GAS7: variants seen among roughly 807,000 people sequenced by gnomAD.
The protein encoded by GAS7 is growth arrest specific 7, also known as growth arrest-specific protein 7.
GAS7 carries 28 observed loss-of-function variants against 71.1 expected under a neutral mutation model. The ratio of observed to expected loss-of-function variants is 0.39; its 90% CI spans 0.29 to 0.54. GAS7 has a LOEUF of 0.54. Ranked by LOEUF, GAS7 falls within the 20% of genes least tolerant of loss-of-function variation. The pLI is 0.62. For missense variants in GAS7, 436 were observed against 627.8 expected, an observed-to-expected ratio of 0.69 and a Z score of 3.27; for synonymous variants, 258 against 245.8, an observed-to-expected ratio of 1.05 and a Z score of -0.46.
At chr17:10,057,075 C>T (rs947105426) in intron 1 of GAS7, among the ~76,000 whole-genome samples, 6 of 152,170 alleles carry the variant, frequency 3.9e-5, no homozygotes, top group Non-Finnish European at 7.3e-5. Context: ...TGATTGCAGA[C>T]GGAGTCTCGT....
At chr17:10,051,445 G>A (rs2073061402) in intron 1 of GAS7, among the ~76,000 whole-genome samples, 1 of 152,318 alleles carries the variant, frequency 6.6e-6, no homozygotes, top group South Asian at 2.1e-4. Context: ...CTCATCAATG[G>A]CTTTGCGGGC....
intron 1 of GAS7, among the ~76,000 whole-genome samples, chr17:10,031,437 G>A (rs2072614902): frequency 6.6e-6 from 1 of 152,212 alleles, no homozygotes; most frequent in Admixed American, 6.5e-5. Context: ...GGGGGACAAG[G>A]ATTGATGAAA....
At chr17:10,145,048 G>A (rs768671900) in intron 1 of GAS7, among the ~76,000 whole-genome samples, 3 of 152,180 alleles carry the variant, frequency 2.0e-5, no homozygotes, top group East Asian at 1.9e-4. Context: ...GGTTCCAAAC[G>A]GTGGCTGGGC....
rs1392845338 is a variant in GAS7, at chr17:10,133,122, A to ATATATATT, written c.183+65085_183+65086insAATATATA. 4.5e-4 allele frequency among the ~76,000 whole-genome samples: 54 copies of ATATATATT among 118,922 alleles called. 1 individual carries two copies. Among genetic ancestry groups the ATATATATT allele is most frequent in the South Asian group, 8.7e-4 (3 of 3,448 alleles). The allele number at this position is 118,922 out of a possible 152,430, so 78.0% of individuals were successfully genotyped here. On this transcript the variant is annotated intron_variant, in intron 1 of 13. Transcript: ENST00000432992. ...TTATAATTAGATTATATATTTTTAT[A>ATATATATT]TTTTTTTTTTTTCTTTTTTGAGATG...
At chr17:9,967,566 AT>A (rs11318663) in intron 4 of GAS7, among the ~76,000 whole-genome samples, 74,506 of 151,722 alleles carry the variant, frequency 0.49, 18,370 homozygotes, top group African/African-American at 0.53. Context: ...ATAAGTATAG[AT>A]TTCCTTCTGC....
chr17:10,170,438 G>A (rs2074327666), intron 1 of GAS7, among the ~76,000 whole-genome samples: 1 of 151,928 alleles, frequency 6.6e-6, no homozygotes, highest in Admixed American at 6.6e-5. Context: ...GGAATGCTCT[G>A]GCCTCAGGGC....
intron 1 of GAS7, among the ~76,000 whole-genome samples, chr17:10,188,907 G>A (rs1231309976): frequency 6.6e-6 from 1 of 152,144 alleles, no homozygotes; most frequent in African/African-American, 2.4e-5. Flanking sequence ...ACCTCCCAAA[G>A]TGCTGGGATT....
At position 9,995,435 on chromosome 17, in the gene GAS7, C is replaced by A. The variant is rs567012487; in HGVS notation, c.305-13551G>T. Among the ~76,000 whole-genome samples the A allele has an allele frequency of 2.6e-5, 4 of 152,064 alleles. No homozygotes were observed. The South Asian group carries it at 8.3e-4, about 32-fold the overall frequency. ...CAGGGAGACAGATAAAGCCTCTATT[C>A]CCTTTGTGTGGTATGAACTACCTAT... On this transcript the variant is annotated intron_variant, in intron 2 of 13. Transcript: ENST00000432992.
chr17:10,093,767 T>C (rs1212258463), intron 1 of GAS7, among the ~76,000 whole-genome samples: 1 of 152,208 alleles, frequency 6.6e-6, no homozygotes, highest in East Asian at 1.9e-4. Context: ...TTAGACTCTA[T>C]GTTCAGCTGA....
intron 1 of GAS7, among the ~76,000 whole-genome samples, chr17:10,186,118 A>G (rs1446459087): frequency 8.2e-6 from 1 of 121,398 alleles, no homozygotes; most frequent in Admixed American, 8.2e-5. Flanking sequence ...TGCCCAGCTA[A>G]TTTTTTGTAT....
chr17:9,968,565 A>C (rs530007595), intron 4 of GAS7, among the ~76,000 whole-genome samples: 12 of 152,288 alleles, frequency 7.9e-5, no homozygotes, highest in African/African-American at 2.9e-4. Context: ...CGTTCCCCCA[A>C]ATTAACACTC....
chr17:9,950,850 T>C (rs1045762320), intron 5 of GAS7, among the ~76,000 whole-genome samples: 3 of 148,486 alleles, frequency 2.0e-5, no homozygotes, highest in African/African-American at 7.4e-5. Flanking sequence ...GGCGAGACTG[T>C]GTCTCAAAAA....
chr17:10,115,538 C>T (rs1240164710), intron 1 of GAS7, among the ~76,000 whole-genome samples: 1 of 152,200 alleles, frequency 6.6e-6, no homozygotes, highest in East Asian at 1.9e-4. Context: ...CACACCTCAG[C>T]ACAGAGAAGG....
chr17:10,070,341 C>CTTTTTTTTTTTTTTTTTTT (rs71365713), intron 1 of GAS7, among the ~76,000 whole-genome samples: 1 of 106,134 alleles, frequency 9.4e-6, no homozygotes, highest in Non-Finnish European at 1.8e-5. Context: ...TCTCTCTCTT[C>CTTTTTTTTTTTTTTTTTTT]TTTTTTTTTT....
chr17:9,933,088 C>G (rs1417582801), intron 9 of GAS7, among the ~76,000 whole-genome samples: 1 of 152,158 alleles, frequency 6.6e-6, no homozygotes, highest in African/African-American at 2.4e-5. Flanking sequence ...AGGAGAATCA[C>G]TTGAACCCGG....
intron 1 of GAS7, among the ~76,000 whole-genome samples, chr17:10,128,254 T>C (rs9893168): frequency 0.38 from 57,977 of 152,114 alleles, 11,690 homozygotes; most frequent in East Asian, 0.52. Context: ...AGGAAACAAT[T>C]TCCTAATCCC....
intron 1 of GAS7, among the ~76,000 whole-genome samples, chr17:10,163,965 C>G (rs1437148475): frequency 2.6e-5 from 4 of 152,222 alleles, no homozygotes; most frequent in African/African-American, 9.6e-5. Flanking sequence ...CCGCTTGGGA[C>G]ATGACAGCTG....
At chr17:9,973,286 G>A (rs998295359) in intron 3 of GAS7, among the ~76,000 whole-genome samples, 12 of 148,294 alleles carry the variant, frequency 8.1e-5, no homozygotes, top group Admixed American at 6.8e-5. Context: ...ACGGAGTCTT[G>A]CTTCATCACC....
chr17:9,986,235 TC>T (rs1016181337), intron 2 of GAS7, among the ~76,000 whole-genome samples: 5 of 152,090 alleles, frequency 3.3e-5, no homozygotes, highest in African/African-American at 1.2e-4. Context: ...CAGAAAACTT[TC>T]CCTTTGTGCT....
Sources: gnomAD v4.1 joint callset for allele counts (sites outside exome capture counted in the v4.1 genomes callset) on GRCh38, gnomAD v4.1.1 for gene constraint, MANE v1.5 for transcripts, NCBI Gene and HGNC (gene_info 2026-07-23, HGNC 2026-07-21) for gene names.